Variants in TENT2 observed in about 807,000 individuals in gnomAD.
TENT2 encodes terminal nucleotidyltransferase 2.
Under a neutral mutation model 72.2 loss-of-function variants are expected in TENT2, and 44 were observed. The ratio of observed to expected loss-of-function variants is 0.61; its 90% confidence interval spans 0.48 to 0.78. The LOEUF (loss-of-function observed/expected upper bound fraction) is 0.78. TENT2 is among the 30% of genes least tolerant of loss of function. The pLI is 0.00. For missense variants in TENT2, 541 were observed against 569.6 expected (o/e 0.95, Z 0.51); for synonymous variants, 212 against 192.5 (o/e 1.10, Z -0.84).
intron 13 of TENT2, among the ~76,000 whole-genome samples, chr5:79,680,532 A>G (rs985405388): frequency 6.6e-6 from 1 of 152,226 alleles, no homozygotes; most frequent in Non-Finnish European, 1.5e-5. Flanking sequence ...CTTTCTAAGC[A>G]CTAAAAAATA....
rs1385847667 is a variant in TENT2 at position 79,656,971 on chromosome 5, C to G, written c.1041C>G (p.Pro347=). Residue 347 remains proline, a synonymous_variant, in exon 11 of 15, where the codon CCC becomes CCG. Coordinates refer to ENST00000453514, the MANE Select transcript of TENT2 (RefSeq NM_001114394.3). The part of the protein sequence containing the change: ...VLHYLQTLPE[P]ILPSLQKIYP... ...TTCTTTTTATAGCCCTACCTGAACCCATCCTTCCATCCCTCCAAAAAATTT... is the reference window on the plus strand; with the variant it reads ...TTCTTTTTATAGCCCTACCTGAACCGATCCTTCCATCCCTCCAAAAAATTT... The G allele has an allele frequency of 6.2e-7, 1 of 1,605,176 alleles. No individual in the cohort carries two copies. Among genetic ancestry groups the G allele is most frequent in the Admixed American group, 1.7e-5 (1 of 59,828 alleles).
Position 79,681,150 on chromosome 5 carries a change from ATTTTTTTTTTT to A in TENT2, c.1301-814_1301-804del, listed in dbSNP as rs1158559796. On this transcript the variant is annotated intron_variant, in intron 13 of 14. Transcript: ENST00000453514. ...AGTTACTTCTTTTTTCTTTTCTTTG[ATTTTTTTTTTT>A]TTTTTTTTTTTTTTTTTGAGATGGA... Among the ~76,000 whole-genome samples, 331 of 44,774 alleles carry A rather than the reference ATTTTTTTTTTT, an allele frequency of 7.4e-3. 2 individuals are homozygous for A. Among genetic ancestry groups the A allele is most frequent in the African/African-American group, 0.027 (310 of 11,480 alleles). 29.4% of individuals were successfully genotyped at this position (44,774 alleles called of 152,430 possible). A position where few individuals can be genotyped will look rare whatever the true frequency, so the allele number is the denominator to read the frequency against.
At chr5:79,683,902 C>T (rs565449932) in intron 14 of TENT2, among the ~76,000 whole-genome samples, 251 of 109,216 alleles carry the variant, frequency 2.3e-3, no homozygotes, top group Non-Finnish European at 3.2e-3. Flanking sequence ...CCAGCCTGGG[C>T]GACAGAGCGA....
intron 12 of TENT2, 130 bp downstream of exon 12, chr5:79,669,158 G>T (rs1810902557): frequency 9.0e-7 from 1 of 1,111,726 alleles, no homozygotes; most frequent in Non-Finnish European, 1.2e-6. Flanking sequence ...CACTTCCAGT[G>T]TTGTAAAGTT....
chr5:79,648,439 C>G (rs775230086), intron 8 of TENT2, among the ~76,000 whole-genome samples, 178 bp from the exon 9 acceptor site: 2 of 152,114 alleles, frequency 1.3e-5, no homozygotes, highest in Non-Finnish European at 2.9e-5. Context: ...AAATAACATA[C>G]TGAGTATTTG....
intron 11 of TENT2, among the ~76,000 whole-genome samples, chr5:79,665,552 AT>A (rs1196025516): frequency 6.6e-6 from 1 of 152,030 alleles, no homozygotes; most frequent in Non-Finnish European, 1.5e-5. Flanking sequence ...TTTCTATTTA[AT>A]TTTTTTTAAC....
intron 8 of TENT2, among the ~76,000 whole-genome samples, chr5:79,645,840 CACAA>C (rs1788433992): frequency 1.0e-5 from 1 of 99,474 alleles, no homozygotes; most frequent in Non-Finnish European, 1.8e-5. Flanking sequence ...AAATTGTGCC[CACAA>C]ACACACACAC....
At chr5:79,613,353 G>A (rs115248799) in intron 1 of TENT2, among the ~76,000 whole-genome samples, 4 of 152,180 alleles carry the variant, frequency 2.6e-5, no homozygotes, top group Non-Finnish European at 5.9e-5. Context: ...TTTTCATTAG[G>A]GTGAACAGAG....
At position 79,641,152 on chromosome 5, in the gene TENT2, C is replaced by T. The variant is rs151126262; in HGVS notation, c.628C>T (p.Arg210Trp). The T allele has an allele frequency of 1.0e-4, 161 of 1,576,876 alleles. No individual in the cohort carries two copies. Among genetic ancestry groups the T allele is most frequent in the Admixed American group, 1.6e-4 (8 of 48,820 alleles). Reference sequence around the variant, plus strand: ...GTCCTCTTTAAATGGATTTGGTACCCGGAGCAGTGATGGTGATTTATGCCT... The same window carrying T: ...GTCCTCTTTAAATGGATTTGGTACCTGGAGCAGTGATGGTGATTTATGCCT... ...VGSSLNGFGT[R>W]SSDGDLCLVV... The change falls in exon 6 of 15, where the codon CGG (arginine) becomes TGG (tryptophan). Residue 210 changes from arginine (R) to tryptophan (W), a missense_variant. Physicochemically the swap from Arg to Trp is moderately radical, Grantham distance 101. Coordinates refer to ENST00000453514, the MANE Select transcript of TENT2 (RefSeq NM_001114394.3).
intron 12 of TENT2, among the ~76,000 whole-genome samples, chr5:79,669,813 ATATT>A (rs1016282930): frequency 1.3e-5 from 2 of 152,098 alleles, no homozygotes; most frequent in African/African-American, 4.8e-5. Flanking sequence ...ATTATTATTT[ATATT>A]TATCATTTCA....
intron 9 of TENT2, 78 bp downstream of exon 9, chr5:79,648,771 A>G: frequency 9.0e-7 from 1 of 1,105,718 alleles, no homozygotes; most frequent in Non-Finnish European, 1.3e-6. Flanking sequence ...ATAAATAGTG[A>G]CATCTCTTTA....
In TENT2 at chr5:79,685,285, T is replaced by G; in HGVS notation, c.*12T>G. 1 of 1,543,920 alleles carries G rather than the reference T, an allele frequency of 6.5e-7. No homozygotes were observed. Among genetic ancestry groups the G allele is most frequent in the East Asian group, 2.3e-5 (1 of 43,700 alleles). ...TCCTGAAAAGATAACTGGCCTCTAT[T>G]TCTTAATAAATTCTTCCAAGAAATA... On this transcript the variant is annotated 3_prime_UTR_variant, in exon 15 of 15. Transcript: ENST00000453514.
intron 4 of TENT2, among the ~76,000 whole-genome samples, chr5:79,639,019 G>A (rs1040843212): frequency 6.6e-6 from 1 of 152,196 alleles, no homozygotes; most frequent in Non-Finnish European, 1.5e-5. Context: ...GAGAGGGAGA[G>A]ATTAAAAATA....
intron 4 of TENT2, among the ~76,000 whole-genome samples, chr5:79,635,641 G>A (rs1378721185): frequency 6.6e-6 from 1 of 151,958 alleles, no homozygotes; most frequent in Admixed American, 6.6e-5. Flanking sequence ...TGCAACCTCT[G>A]CCTCCAGGGT....
At chr5:79,670,832 TG>T (rs973210335) in intron 12 of TENT2, among the ~76,000 whole-genome samples, 2 of 151,208 alleles carry the variant, frequency 1.3e-5, no homozygotes, top group African/African-American at 4.9e-5. Context: ...TAATAACCTC[TG>T]TCAAGCTTAG....
intron 10 of TENT2, among the ~76,000 whole-genome samples, chr5:79,654,264 T>C (rs1243159485): frequency 6.6e-6 from 1 of 152,114 alleles, no homozygotes; most frequent in African/African-American, 2.4e-5. Flanking sequence ...AAACCCCGTC[T>C]CTACTAAAAA....
At chr5:79,678,435 A>G (rs530426367) in intron 12 of TENT2, among the ~76,000 whole-genome samples, 1 of 152,286 alleles carries the variant, frequency 6.6e-6, no homozygotes, top group South Asian at 2.1e-4. Flanking sequence ...TACTTAAAAA[A>G]TGGTATCAGC....
intron 4 of TENT2, among the ~76,000 whole-genome samples, chr5:79,628,390 G>A (rs1055497152): frequency 2.0e-5 from 3 of 152,202 alleles, no homozygotes; most frequent in Middle Eastern, 3.2e-3. Context: ...AGTGAGTTTG[G>A]TTTAGAATGA....
At chr5:79,616,626 A>AT (rs1357670398) in intron 1 of TENT2, among the ~76,000 whole-genome samples, 2 of 151,802 alleles carry the variant, frequency 1.3e-5, no homozygotes, top group South Asian at 2.1e-4. Flanking sequence ...TATTGTATGT[A>AT]TTTTTGCTAG....
Sources: allele counts gnomAD v4.1 joint callset (sites outside exome capture counted in the v4.1 genomes callset), GRCh38; gene constraint gnomAD v4.1.1; transcripts MANE v1.5; gene names NCBI Gene and HGNC (gene_info 2026-07-23, HGNC 2026-07-21).